RALGAPA2: variants seen among roughly 807,000 people sequenced by gnomAD.
RALGAPA2 encodes the protein ral GTPase-activating protein subunit alpha-2.
A neutral mutation model predicts 230.4 loss-of-function variants in RALGAPA2; 139 were observed. The observed-to-expected ratio is 0.60, with a 90% confidence interval of 0.53 to 0.69. The LOEUF (loss-of-function observed/expected upper bound fraction) is 0.69. RALGAPA2 is among the 30% of genes least tolerant of loss of function. The pLI, the probability that RALGAPA2 is intolerant of heterozygous loss-of-function variation, is 0.00. For missense variants in RALGAPA2, 2,163 were observed against 2,276.0 expected, an observed-to-expected ratio of 0.95 and a Z score of 1.01; for synonymous variants, 847 against 837.8, an observed-to-expected ratio of 1.01 and a Z score of -0.19.
intron 23 of RALGAPA2, among the ~76,000 whole-genome samples, chr20:20,548,067 G>A (rs760823239): frequency 1.3e-5 from 2 of 152,014 alleles, no homozygotes; most frequent in African/African-American, 2.4e-5. Context: ...CTATAGTAAC[G>A]TGACTTATAG....
rs199943032 is a variant in RALGAPA2 at position 20,572,934 on chromosome 20, G to T, written c.2842C>A (p.Pro948Thr). 312 of 1,575,960 alleles carry T rather than the reference G, an allele frequency of 2.0e-4. 2 individuals carry two copies. The highest frequency in any genetic ancestry group is 2.6e-4 in the Non-Finnish European group (299 of 1,160,028). The change falls in exon 21 of 40, where the codon CCC (proline) becomes ACC (threonine). Residue 948 changes from proline (P) to threonine (T), a missense_variant. Physicochemically the swap from Pro to Thr is conservative, Grantham distance 38 (BLOSUM62 -1). Transcript: ENST00000202677. ...CAGAAAACTCTGGCATGGATCTTGG[G>T]TGACTGGATGTTATTCACATCTCCG... Reference protein sequence around the residue: ...ILGDVNNIQSPKIHARVFCYL... With the variant: ...ILGDVNNIQSTKIHARVFCYL...
chr20:20,411,965 G>T, intron 38 of RALGAPA2, 62 bp downstream of exon 38: 1 of 1,593,290 alleles, frequency 6.3e-7, no homozygotes, highest in Non-Finnish European at 8.6e-7. Flanking sequence ...TGAAAAACAG[G>T]TGTACATCTG....
intron 15 of RALGAPA2, 57 bp from the exon 16 acceptor site, chr20:20,601,903 G>A (rs907978677): frequency 1.8e-5 from 26 of 1,420,546 alleles, no homozygotes; most frequent in African/African-American, 5.8e-5. Flanking sequence ...TTCATTTCAC[G>A]CTTGTGTTGC....
In RALGAPA2 at chr20:20,398,026, C is replaced by T. The variant is rs1301202676; in HGVS notation, c.5618-1292G>A. 6.6e-6 allele frequency among the ~76,000 whole-genome samples: 1 copy of T among 152,100 alleles called. No homozygotes were observed. Among genetic ancestry groups the T allele is most frequent in the Non-Finnish European group, 1.5e-5 (1 of 68,032 alleles). ...GGCTAGAATGTTTTCCATGGATCCT[C>T]GGGATGATTAATCATTTAGATTTCT... On this transcript the variant is annotated intron_variant, in intron 38 of 39. Transcript: ENST00000202677. The surrounding 1 kb of genome is among the most constrained non-coding windows in gnomAD (Gnocchi z 4.5).
intron 30 of RALGAPA2, among the ~76,000 whole-genome samples, chr20:20,521,892 T>A (rs1314927655): frequency 6.6e-6 from 1 of 152,244 alleles, no homozygotes; most frequent in African/African-American, 2.4e-5. Context: ...AGCTTTGGTT[T>A]GCTGACATGG....
intron 18 of RALGAPA2, among the ~76,000 whole-genome samples, chr20:20,588,766 A>T (rs2065203716): frequency 6.6e-6 from 1 of 152,222 alleles, no homozygotes; most frequent in South Asian, 2.1e-4. Context: ...ACATTTTAAA[A>T]AAATGAATAG....
intron 37 of RALGAPA2, among the ~76,000 whole-genome samples, chr20:20,450,740 G>A (rs1165299918): frequency 6.6e-6 from 1 of 152,256 alleles, no homozygotes; most frequent in Non-Finnish European, 1.5e-5. Flanking sequence ...CTGGGTGCCT[G>A]TGATCAGCCT....
intron 33 of RALGAPA2, among the ~76,000 whole-genome samples, chr20:20,508,490 G>A (rs1177077443): frequency 6.6e-6 from 1 of 152,190 alleles, no homozygotes; most frequent in Admixed American, 6.5e-5. Context: ...TCCCCATGTA[G>A]TGGCAAGAAG....
chr20:20,703,858 T>C (rs149940559), intron 1 of RALGAPA2, among the ~76,000 whole-genome samples: 10 of 152,120 alleles, frequency 6.6e-5, no homozygotes, highest in Non-Finnish European at 8.8e-5. Flanking sequence ...GTTCATTGAG[T>C]GGAAGGGCAC....
At position 20,430,742 on chromosome 20, in the gene RALGAPA2, A is replaced by C. The variant is rs1019961997; in HGVS notation, c.5496-18594T>G. On this transcript the variant is annotated intron_variant, in intron 37 of 39. Transcript: ENST00000202677. ...TCTGTATGTTGATAGCAGACACAAGATCTCACTGTTTTCATGAAACATCAC... is the reference window on the plus strand; with the variant it reads ...TCTGTATGTTGATAGCAGACACAAGCTCTCACTGTTTTCATGAAACATCAC... 1.8e-4 allele frequency among the ~76,000 whole-genome samples: 27 copies of C among 152,170 alleles called. 1 individual carries two copies. Among genetic ancestry groups the C allele is most frequent in the Admixed American group, 1.2e-3 (19 of 15,278 alleles).
chr20:20,433,325 G>T (rs1183373497), intron 37 of RALGAPA2, among the ~76,000 whole-genome samples: 1 of 152,162 alleles, frequency 6.6e-6, no homozygotes, highest in Non-Finnish European at 1.5e-5. Context: ...TTTAACCAGA[G>T]CCCAAAAAGG....
At chr20:20,478,577 C>G (rs1416340481) in intron 36 of RALGAPA2, among the ~76,000 whole-genome samples, 2 of 151,330 alleles carry the variant, frequency 1.3e-5, no homozygotes, top group African/African-American at 4.9e-5. Flanking sequence ...AACATAGGAA[C>G]AGAAAACCAA....
rs1393075910 is a variant in RALGAPA2 at position 20,402,012 on chromosome 20, T to C, written c.5618-5278A>G. 2.6e-5 allele frequency among the ~76,000 whole-genome samples: 4 copies of C among 152,178 alleles called. No individual in the cohort carries two copies. The East Asian group carries it at 7.7e-4, about 29-fold the overall frequency. ...GCCATTGCCACTGAAGAAGGGCTCCTCTCCCCCACTGGGTTGTTCATTCCT... is the reference window on the plus strand; with the variant it reads ...GCCATTGCCACTGAAGAAGGGCTCCCCTCCCCCACTGGGTTGTTCATTCCT... On this transcript the variant is annotated intron_variant, in intron 38 of 39. Transcript: ENST00000202677.
intron 37 of RALGAPA2, among the ~76,000 whole-genome samples, chr20:20,445,351 G>A (rs2060836816): frequency 6.6e-6 from 1 of 152,194 alleles, no homozygotes; most frequent in Non-Finnish European, 1.5e-5. Context: ...AATTTTGCAT[G>A]GCAGAAAGGC....
rs1039939873 is a variant in RALGAPA2, at chr20:20,637,360, T to G, written c.805+3A>C. On this transcript the variant is annotated splice_donor_region_variant and intron_variant, in intron 8 of 39. Coordinates refer to ENST00000202677, the MANE Select transcript of RALGAPA2 (RefSeq NM_020343.4). Reference sequence around the variant, plus strand: ...CTCTATACACGGCTCCAACAGTACTTACCAAGTACAGGTTTGTAGATGTTT... The same window carrying G: ...CTCTATACACGGCTCCAACAGTACTGACCAAGTACAGGTTTGTAGATGTTT... 1 of 1,596,250 alleles carries G rather than the reference T, an allele frequency of 6.3e-7. No homozygotes were observed. The highest frequency in any genetic ancestry group is 1.1e-5 in the South Asian group (1 of 88,608).
At chr20:20,489,590 A>G (rs2061999016) in intron 36 of RALGAPA2, among the ~76,000 whole-genome samples, 1 of 151,820 alleles carries the variant, frequency 6.6e-6, no homozygotes, top group South Asian at 2.1e-4. Flanking sequence ...AGAGCAAAAA[A>G]CCCAACAACA....
At chr20:20,647,504 A>G (rs1185218286) in intron 4 of RALGAPA2, among the ~76,000 whole-genome samples, 2 of 152,236 alleles carry the variant, frequency 1.3e-5, no homozygotes, top group Non-Finnish European at 2.9e-5. Context: ...GACCTAAACT[A>G]TAGAACTGCT....
chr20:20,508,509 A>G (rs1424769106), intron 33 of RALGAPA2, among the ~76,000 whole-genome samples: 1 of 152,248 alleles, frequency 6.6e-6, no homozygotes, highest in Non-Finnish European at 1.5e-5. Flanking sequence ...AGGCATTTAC[A>G]TCTAACAGGG....
At chr20:20,496,326 C>T (rs769654975) in intron 35 of RALGAPA2, among the ~76,000 whole-genome samples, 11 of 152,046 alleles carry the variant, frequency 7.2e-5, no homozygotes, top group East Asian at 1.9e-4. Flanking sequence ...GCACGATGAC[C>T]GTACCATCTC....
Sources: gnomAD v4.1 joint callset for allele counts (sites outside exome capture counted in the v4.1 genomes callset) on GRCh38, gnomAD v4.1.1 for gene constraint, Gnocchi (gnomAD v3.1) non-coding constraint, MANE v1.5 for transcripts, NCBI Gene and HGNC (gene_info 2026-07-23, HGNC 2026-07-21) for gene names.